Variants in TMED5 observed in about 807,000 individuals in gnomAD.
TMED5 encodes transmembrane p24 trafficking protein 5, also known as transmembrane emp24 domain-containing protein 5.
A neutral mutation model predicts 23.0 loss-of-function variants in TMED5; 27 were observed. The ratio of observed to expected loss-of-function variants is 1.17; its 90% CI spans 0.86 to 1.62. TMED5 has a LOEUF of 1.62. TMED5 is among the 40% of genes most tolerant of loss of function. The pLI is 0.00. For synonymous variants in TMED5, 97 were observed against 100.8 expected (o/e 0.96, Z 0.23); for missense variants, 248 against 273.7 (o/e 0.91, Z 0.66).
intron 1 of TMED5, among the ~76,000 whole-genome samples, chr1:93,175,201 A>ATATATATATATATATATATATATAT: frequency 3.5e-4 from 49 of 141,324 alleles, no homozygotes; most frequent in African/African-American, 1.2e-3. Flanking sequence ...ATATATATAT[A>ATATATATATATATATATATATATAT]AATGGACCTC....
chr1:93,156,563 G>A, intron 2 of TMED5, 80 bp from the exon 3 acceptor site: 1 of 1,149,038 alleles, frequency 8.7e-7, no homozygotes, highest in Non-Finnish European at 1.3e-6. Context: ...AAAATAAGAA[G>A]TAACAGGCTG....
At chr1:93,177,553 G>C (rs1188801934) in intron 1 of TMED5, among the ~76,000 whole-genome samples, 1 of 140,840 alleles carries the variant, frequency 7.1e-6, no homozygotes, top group Non-Finnish European at 1.5e-5. Flanking sequence ...CTCCAGCCTG[G>C]GTAACAGAGT....
At chr1:93,173,594 T>C (rs1180734253) in intron 1 of TMED5, among the ~76,000 whole-genome samples, 1 of 152,194 alleles carries the variant, frequency 6.6e-6, no homozygotes, top group East Asian at 1.9e-4. Flanking sequence ...AATAAAATAC[T>C]AGTTTTGATG....
rs1647895065 is a variant in TMED5, at chr1:93,151,962, G to A, written c.*2708C>T. On this transcript the variant is annotated 3_prime_UTR_variant, in exon 4 of 4. Coordinates refer to ENST00000370282, the MANE Select transcript of TMED5 (RefSeq NM_016040.5). Reference sequence around the variant, plus strand: ...TGAGCAACACTGATTGTGCATTATTGTACTTCAGATGAAAAATCCTTACAT... The same window carrying A: ...TGAGCAACACTGATTGTGCATTATTATACTTCAGATGAAAAATCCTTACAT... 6.6e-6 allele frequency: 1 copy of A among 152,426 alleles called. No individual in the cohort carries two copies. Among genetic ancestry groups the A allele is most frequent in the African/African-American group, 2.4e-5 (1 of 41,400 alleles). The allele number at this position is 152,426 out of a possible 1,614,324, so 9.4% of individuals were successfully genotyped here.
intron 1 of TMED5, among the ~76,000 whole-genome samples, chr1:93,177,112 A>C (rs980396236): frequency 1.3e-5 from 2 of 152,236 alleles, no homozygotes; most frequent in African/African-American, 4.8e-5. Flanking sequence ...AACTAACTTT[A>C]AGACAAAAAT....
At chr1:93,164,948 T>A (rs1440022494) in intron 1 of TMED5, among the ~76,000 whole-genome samples, 1 of 152,240 alleles carries the variant, frequency 6.6e-6, no homozygotes, top group East Asian at 1.9e-4. Flanking sequence ...TCTTGCCCTC[T>A]TACTTGCTCT....
rs141514999 is a variant in TMED5 at position 93,152,897 on chromosome 1, A to T, written c.*1773T>A. 1 of 152,620 alleles carries T rather than the reference A, an allele frequency of 6.6e-6. No homozygotes were observed. The highest frequency in any genetic ancestry group is 1.9e-4 in the East Asian group (1 of 5,186). 9.5% of individuals were successfully genotyped at this position (152,620 alleles called of 1,614,324 possible). ...AGACACCTGAAGCATTTTCTTGGCC[A>T]ATTAAGGTAATTGATCATATACGGC... On this transcript the variant is annotated 3_prime_UTR_variant, in exon 4 of 4. Transcript: ENST00000370282.
At chr1:93,169,722 C>A (rs1171663506) in intron 1 of TMED5, among the ~76,000 whole-genome samples, 3 of 151,952 alleles carry the variant, frequency 2.0e-5, no homozygotes, top group African/African-American at 4.8e-5. Flanking sequence ...GAAATAAAAG[C>A]TGGGTCATCA....
At chr1:93,174,115 GC>G (rs1648826685) in intron 1 of TMED5, among the ~76,000 whole-genome samples, 1 of 151,934 alleles carries the variant, frequency 6.6e-6, no homozygotes, top group Non-Finnish European at 1.5e-5. Context: ...GCACCACTGC[GC>G]CCAGCTAATT....
rs556316808 is a variant in TMED5 at position 93,151,731 on chromosome 1, A to G, written c.*2939T>C. 3 of 152,220 alleles carry G rather than the reference A, an allele frequency of 2.0e-5. No homozygotes were observed. Among genetic ancestry groups the G allele is most frequent in the Non-Finnish European group, 2.9e-5 (2 of 68,044 alleles). 9.4% of individuals were successfully genotyped at this position (152,220 alleles called of 1,614,324 possible). Reference sequence around the variant, plus strand: ...CCAATGCAAAGTAGAGTGATGTACAATAAGAGGTGTAGAGAGCTATGGGGT... The same window carrying G: ...CCAATGCAAAGTAGAGTGATGTACAGTAAGAGGTGTAGAGAGCTATGGGGT... On this transcript the variant is annotated 3_prime_UTR_variant, in exon 4 of 4. Coordinates refer to ENST00000370282, the MANE Select transcript of TMED5 (RefSeq NM_016040.5).
At chr1:93,172,193 C>G (rs1300330676) in intron 1 of TMED5, among the ~76,000 whole-genome samples, 1 of 152,016 alleles carries the variant, frequency 6.6e-6, no homozygotes, top group Admixed American at 6.6e-5. Context: ...CTACTCAGCA[C>G]TATACTGGAA....
intron 2 of TMED5, among the ~76,000 whole-genome samples, chr1:93,158,017 A>G (rs959399243): frequency 2.7e-5 from 4 of 149,974 alleles, no homozygotes; most frequent in Non-Finnish European, 5.9e-5. Flanking sequence ...CCAGCTACTC[A>G]GGAGGCCGAG....
chr1:93,165,550 A>T (rs1006337662), intron 1 of TMED5, among the ~76,000 whole-genome samples: 6 of 152,112 alleles, frequency 3.9e-5, no homozygotes, highest in Non-Finnish European at 7.3e-5. Context: ...TCTAGGGCAA[A>T]TTTTTTTAAA....
intron 1 of TMED5, among the ~76,000 whole-genome samples, chr1:93,169,950 C>T (rs1240581131): frequency 3.3e-5 from 5 of 151,202 alleles, no homozygotes; most frequent in Non-Finnish European, 7.4e-5. Context: ...TGCATGCCTC[C>T]CTAGCTACTT....
chr1:93,155,926 A>G (rs1057257), intron 3 of TMED5: 326,380 of 534,872 alleles, frequency 0.61, 105,027 homozygotes, highest in South Asian at 0.67. Flanking sequence ...ACCACAAAAT[A>G]GTTGTGAAAT....
intron 1 of TMED5, 154 bp from the exon 2 acceptor site, chr1:93,160,380 T>A: frequency 2.0e-6 from 1 of 508,238 alleles, no homozygotes; most frequent in Non-Finnish European, 3.5e-6. Flanking sequence ...AAAGATCATC[T>A]AGTTCAATTC....
rs755954899 is a variant in TMED5 at position 93,180,093 on chromosome 1, C to A, written c.150G>T (p.Gln50His). 6.2e-7 allele frequency: 1 copy of A among 1,613,524 alleles called. No homozygotes were observed. Among genetic ancestry groups the A allele is most frequent in the Admixed American group, 1.7e-5 (1 of 59,966 alleles). Residue 50 changes from glutamine to histidine, a missense_variant, in exon 1 of 4, where the codon CAG (glutamine) becomes CAT (histidine). Gln to His is a conservative substitution (Grantham distance 24, BLOSUM62 0). Transcript: ENST00000370282. ...CCAGCGAGGCCTTCAGGGGCATGGG[C>A]TGGTAGAAGCACTCCTTCTGGCCGG... ...LPAGQKECFY[Q>H]PMPLKASLEI...
chr1:93,157,349 A>G (rs1648108413), intron 2 of TMED5, among the ~76,000 whole-genome samples: 1 of 152,226 alleles, frequency 6.6e-6, no homozygotes, highest in Non-Finnish European at 1.5e-5. Flanking sequence ...TCAGCCCATC[A>G]TTAATTATGC....
At chr1:93,173,273 A>G (rs544252148) in intron 1 of TMED5, among the ~76,000 whole-genome samples, 1 of 146,636 alleles carries the variant, frequency 6.8e-6, no homozygotes, top group African/African-American at 2.5e-5. Context: ...CATGTTGTAT[A>G]TATGTATCAA....
Sources: allele counts gnomAD v4.1 joint callset (sites outside exome capture counted in the v4.1 genomes callset), GRCh38; gene constraint gnomAD v4.1.1; transcripts MANE v1.5; gene names NCBI Gene and HGNC (gene_info 2026-07-23, HGNC 2026-07-21).